Variants in PAXBP1 observed in about 807,000 individuals in gnomAD.
PAXBP1 encodes PAX3 and PAX7 binding protein 1, also known as PAX3- and PAX7-binding protein 1.
PAXBP1 carries 44 observed loss-of-function variants against 119.9 expected under a neutral mutation model. That is an observed-to-expected ratio of 0.37 (90% CI 0.29 to 0.47). The LOEUF (loss-of-function observed/expected upper bound fraction) is 0.47, where lower values mean the gene tolerates loss of function less well. Among genes scored for constraint, PAXBP1 ranks in the 20% least tolerant of loss-of-function variants. The probability of loss-of-function intolerance (pLI) is 0.99; values close to 1 mark genes in which losing one functional copy is unlikely to be tolerated. For synonymous variants in PAXBP1, 393 were observed against 406.6 expected (o/e 0.97, Z 0.40); for missense variants, 898 against 1,134.1 (o/e 0.79, Z 2.99).
Position 32,771,489 on chromosome 21 carries a change from C to T in PAXBP1, c.180G>A (p.Gly60=). ...GGGTCAGCGCGGAAGGCGGCGACGGCCCCGGGCCCAGCAGCGACTCCCCGC... is the reference window on the plus strand; with the variant it reads ...GGGTCAGCGCGGAAGGCGGCGACGGTCCCGGGCCCAGCAGCGACTCCCCGC... The part of the protein sequence containing the change: ...APGGESLLGP[G]PSPPSALTPG... The change falls in exon 1 of 18, where the codon GGG becomes GGA. Residue 60 remains glycine, a synonymous_variant. Coordinates refer to ENST00000331923, the MANE Select transcript of PAXBP1 (RefSeq NM_016631.4). 7.5e-7 allele frequency: 1 copy of T among 1,329,398 alleles called. No homozygotes were observed. The highest frequency in any genetic ancestry group is 9.6e-7 in the Non-Finnish European group (1 of 1,046,490). 82.4% of individuals were successfully genotyped at this position (1,329,398 alleles called of 1,614,324 possible). A position where few individuals can be genotyped will look rare whatever the true frequency, so the allele number is the denominator to read the frequency against.
chr21:32,745,737 G>A lies in PAXBP1; in HGVS notation c.1924-19C>T. ...ATTTTGCCTAAAAGACATTTAAAAG[G>A]TTACCCAAATACTAAAATAGTGGCT... On this transcript the variant is annotated intron_variant, in intron 11 of 17. Coordinates refer to ENST00000331923, the MANE Select transcript of PAXBP1 (RefSeq NM_016631.4). 1 of 1,613,064 alleles carries A rather than the reference G, an allele frequency of 6.2e-7. No individual in the cohort carries two copies. Among genetic ancestry groups the A allele is most frequent in the Non-Finnish European group, 8.5e-7 (1 of 1,179,502 alleles).
chr21:32,744,291 A>T (rs969745027), intron 13 of PAXBP1, among the ~76,000 whole-genome samples: 2 of 144,316 alleles, frequency 1.4e-5, no homozygotes, highest in Non-Finnish European at 3.0e-5. Context: ...AAAAAAAAGG[A>T]GGGGGGCGGG....
intron 2 of PAXBP1, among the ~76,000 whole-genome samples, chr21:32,765,376 T>A (rs1244349783): frequency 6.6e-6 from 1 of 152,210 alleles, no homozygotes; most frequent in Non-Finnish European, 1.5e-5. Context: ...TAAACTGTCC[T>A]GGTTTACATT....
chr21:32,748,754 AC>A (rs2043913955), intron 10 of PAXBP1, 56 bp from the exon 11 acceptor site: 13 of 1,466,466 alleles, frequency 8.9e-6, no homozygotes, highest in Admixed American at 7.9e-5. Context: ...TAGGAAAAAA[AC>A]AGTCCAATAT....
chr21:32,741,132 G>A (rs1466288665), intron 15 of PAXBP1, among the ~76,000 whole-genome samples: 1 of 152,176 alleles, frequency 6.6e-6, no homozygotes, highest in Non-Finnish European at 1.5e-5. Flanking sequence ...TGGTAAGAAC[G>A]CAAAATTATA....
At chr21:32,752,706 C>G (rs528385515) in intron 8 of PAXBP1, among the ~76,000 whole-genome samples, 2 of 152,284 alleles carry the variant, frequency 1.3e-5, no homozygotes, top group South Asian at 2.1e-4. Flanking sequence ...ATGGCACAAC[C>G]TCAGTTCACT....
chr21:32,742,687 ACAG>A, intron 15 of PAXBP1: 1 of 211,046 alleles, frequency 4.7e-6, no homozygotes. Flanking sequence ...AGTATCTGCT[ACAG>A]CAGTACTCCT....
intron 15 of PAXBP1, chr21:32,741,710 T>A: frequency 1.8e-6 from 1 of 548,912 alleles, no homozygotes; most frequent in Non-Finnish European, 3.3e-6. Context: ...ATATTTAGGT[T>A]TTATGGTTGG....
chr21:32,768,850 T>C (rs2026252), intron 2 of PAXBP1, among the ~76,000 whole-genome samples: 7,288 of 152,312 alleles, frequency 0.048, 266 homozygotes, highest in South Asian at 0.15. Context: ...CTGTCAGGTG[T>C]ACTTGTTCTT....
intron 1 of PAXBP1, 132 bp downstream of exon 1, chr21:32,771,194 C>T: frequency 4.6e-6 from 4 of 872,458 alleles, no homozygotes; most frequent in East Asian, 3.4e-5. Flanking sequence ...GGGGAAGATT[C>T]GCAGCCGGTC....
chr21:32,738,238 GATTT>G lies in PAXBP1; in HGVS notation c.2412_2415del (p.Leu804PhefsTer24). On this transcript the variant is annotated frameshift_variant, in exon 16 of 18. Coordinates refer to ENST00000331923, the MANE Select transcript of PAXBP1 (RefSeq NM_016631.4). LOFTEE classifies it high-confidence loss of function. Reference sequence around the variant, plus strand: ...TTCTGAAAAGCCATGAGAATATATCGATTTAATAAACCATCTATTGATAACTCTT... The same window carrying G: ...TTCTGAAAAGCCATGAGAATATATCGAATAAACCATCTATTGATAACTCTT... 6.2e-7 allele frequency: 1 copy of G among 1,601,328 alleles called. No individual in the cohort carries two copies. The highest frequency in any genetic ancestry group is 8.5e-7 in the Non-Finnish European group (1 of 1,176,344).
chr21:32,741,468 C>A, intron 15 of PAXBP1: 1 of 746,522 alleles, frequency 1.3e-6, no homozygotes, highest in Non-Finnish European at 2.5e-6. Flanking sequence ...TATGTACAGG[C>A]ATGCAGAAAC....
intron 7 of PAXBP1, chr21:32,756,053 A>C (rs2044038061): frequency 4.8e-6 from 1 of 207,150 alleles, no homozygotes; most frequent in Non-Finnish European, 9.8e-6. Context: ...ATATTTTATA[A>C]AAATTTCTTT....
At chr21:32,764,221 C>T in intron 3 of PAXBP1, 127 bp downstream of exon 3, 1 of 880,036 alleles carries the variant, frequency 1.1e-6, no homozygotes, top group African/African-American at 1.8e-5. Flanking sequence ...TGGAAAAACT[C>T]CCTCTTCAAA....
intron 10 of PAXBP1, among the ~76,000 whole-genome samples, chr21:32,749,324 A>G (rs530341342): frequency 6.6e-6 from 1 of 151,828 alleles, no homozygotes; most frequent in East Asian, 1.9e-4. Context: ...CCTCCTGAGT[A>G]GCTGGGATTA....
At chr21:32,763,252 C>T (rs2044180710) in intron 3 of PAXBP1, among the ~76,000 whole-genome samples, 1 of 152,158 alleles carries the variant, frequency 6.6e-6, no homozygotes, top group Non-Finnish European at 1.5e-5. Context: ...TTAACAGTTA[C>T]ATAATATCCT....
chr21:32,743,533 G>C, intron 14 of PAXBP1, 145 bp downstream of exon 14: 1 of 738,628 alleles, frequency 1.4e-6, no homozygotes, highest in Non-Finnish European at 2.3e-6. Flanking sequence ...TCTGCTTAAG[G>C]GAACAATCTC....
At chr21:32,759,391 G>C in intron 6 of PAXBP1, 122 bp from the exon 7 acceptor site, 1 of 1,021,654 alleles carries the variant, frequency 9.8e-7, no homozygotes, top group Admixed American at 3.0e-5. Context: ...ATTTGGAATG[G>C]CATCTTTTCC....
At chr21:32,761,335 C>A (rs1234682952) in intron 4 of PAXBP1, among the ~76,000 whole-genome samples, 173 bp from the exon 5 acceptor site, 2 of 152,204 alleles carry the variant, frequency 1.3e-5, no homozygotes, top group Non-Finnish European at 2.9e-5. Context: ...GTTTTAAACA[C>A]AGTATTCCTT....
Sources: gnomAD v4.1 joint callset for allele counts (sites outside exome capture counted in the v4.1 genomes callset) on GRCh38, gnomAD v4.1.1 for gene constraint, MANE v1.5 for transcripts, NCBI Gene and HGNC (gene_info 2026-07-23, HGNC 2026-07-21) for gene names.